TBC1D12: variants seen among roughly 807,000 people sequenced by gnomAD.
TBC1D12 encodes TBC1 domain family member 12.
A neutral mutation model predicts 86.7 loss-of-function variants in TBC1D12; 56 were observed. The ratio of observed to expected loss-of-function variants is 0.65; its 90% CI spans 0.52 to 0.81. The LOEUF (loss-of-function observed/expected upper bound fraction) is 0.81. Among genes scored for constraint, TBC1D12 ranks in the 30% least tolerant of loss-of-function variants. TBC1D12 has a pLI of 0.00. For synonymous variants in TBC1D12, 421 were observed against 411.7 expected (o/e 1.02, Z -0.27); for missense variants, 1,023 against 1,038.8 (o/e 0.98, Z 0.21).
intron 3 of TBC1D12, among the ~76,000 whole-genome samples, chr10:94,492,818 C>T (rs1210476675): frequency 6.6e-6 from 1 of 152,094 alleles, no homozygotes; most frequent in Admixed American, 6.5e-5. Flanking sequence ...TAGTTAGCTG[C>T]ACAGGTATAT....
intron 2 of TBC1D12, among the ~76,000 whole-genome samples, chr10:94,469,805 T>C (rs2055877488): frequency 6.6e-6 from 1 of 152,208 alleles, no homozygotes; most frequent in African/African-American, 2.4e-5. Context: ...CCCAAAATTC[T>C]AGCCCTTTGG....
chr10:94,506,735 A>G (rs1025527783), intron 6 of TBC1D12, among the ~76,000 whole-genome samples: 5 of 152,254 alleles, frequency 3.3e-5, no homozygotes, highest in Admixed American at 3.3e-4. Flanking sequence ...TAGCAATATC[A>G]TAATGGAGAA....
intron 2 of TBC1D12, among the ~76,000 whole-genome samples, chr10:94,460,150 T>G (rs2055702928): frequency 6.6e-6 from 1 of 152,188 alleles, no homozygotes; most frequent in South Asian, 2.1e-4. Context: ...GAGAATCGCT[T>G]GAACCTGGGA....
intron 1 of TBC1D12, among the ~76,000 whole-genome samples, chr10:94,428,195 C>T (rs2134070986): frequency 6.6e-6 from 1 of 151,084 alleles, no homozygotes; most frequent in Non-Finnish European, 1.5e-5. Context: ...TCTGTGGGGT[C>T]ATCAGTCTGT....
chr10:94,444,567 A>G (rs1157071572), intron 2 of TBC1D12, among the ~76,000 whole-genome samples: 1 of 152,184 alleles, frequency 6.6e-6, no homozygotes, highest in Non-Finnish European at 1.5e-5. Flanking sequence ...GGTAGTTTAA[A>G]TATGCATGCA....
Position 94,408,001 on chromosome 10 carries a change from C to G in TBC1D12, c.971+4417C>G, listed in dbSNP as rs75812245. Among the ~76,000 whole-genome samples the G allele has an allele frequency of 2.6e-3, 391 of 152,258 alleles. 10 individuals are homozygous for G. The East Asian group carries it at 0.06, about 23-fold the overall frequency. On this transcript the variant is annotated intron_variant, in intron 1 of 12. Coordinates refer to ENST00000225235, the MANE Select transcript of TBC1D12 (RefSeq NM_015188.2). ...TTCTAAACCGTTTTTGTGGGTTCTT[C>G]AAGTAAATTCATGTCTTGTTTTCTA... is the stretch of plus-strand genomic sequence containing the variant.
intron 11 of TBC1D12, among the ~76,000 whole-genome samples, chr10:94,524,331 G>C (rs1325041405): frequency 6.6e-6 from 1 of 152,190 alleles, no homozygotes; most frequent in East Asian, 1.9e-4. Flanking sequence ...AACTGCAAGT[G>C]AAGATGCAAA....
intron 3 of TBC1D12, among the ~76,000 whole-genome samples, chr10:94,492,848 A>G (rs2056264453): frequency 6.6e-6 from 1 of 152,246 alleles, no homozygotes; most frequent in Non-Finnish European, 1.5e-5. Context: ...AAGACTCATC[A>G]AACTATTCTT....
intron 1 of TBC1D12, among the ~76,000 whole-genome samples, chr10:94,435,429 C>G (rs1218689776): frequency 2.6e-5 from 4 of 152,322 alleles, no homozygotes; most frequent in East Asian, 3.9e-4. Context: ...AAATGTTACT[C>G]TGTTTTTAGT....
chr10:94,500,163 A>G (rs899608241), intron 5 of TBC1D12, 58 bp from the exon 6 acceptor site: 6 of 1,463,404 alleles, frequency 4.1e-6, no homozygotes, highest in Non-Finnish European at 5.7e-6. Context: ...CCATCATGCA[A>G]CTAGTATTTT....
intron 12 of TBC1D12, among the ~76,000 whole-genome samples, chr10:94,532,208 C>G (rs1374757979): frequency 1.4e-5 from 2 of 138,800 alleles, no homozygotes; most frequent in Non-Finnish European, 3.1e-5. Flanking sequence ...GACGGAGTCT[C>G]ACTCTGTCGC....
At chr10:94,460,035 A>G (rs1175476300) in intron 2 of TBC1D12, among the ~76,000 whole-genome samples, 1 of 152,092 alleles carries the variant, frequency 6.6e-6, no homozygotes, top group African/African-American at 2.4e-5. Flanking sequence ...AAGGGCTGCC[A>G]GCACGTTGTC....
rs557723675 is a variant in TBC1D12 at position 94,433,266 on chromosome 10, G to A, written c.972-8630G>A. On this transcript the variant is annotated intron_variant, in intron 1 of 12. Transcript: ENST00000225235. ...CCCGAGGAGCTGGGATTACAGGTGC[G>A]TGCCACCACACCAGGCTAATTTTTG... 2.1e-3 allele frequency among the ~76,000 whole-genome samples: 312 copies of A among 152,136 alleles called. 1 individual carries two copies. The highest frequency in any genetic ancestry group is 4.1e-3 in the Admixed American group (63 of 15,304).
intron 6 of TBC1D12, 64 bp downstream of exon 6, chr10:94,500,391 G>A: frequency 1.5e-6 from 2 of 1,340,996 alleles, no homozygotes; most frequent in South Asian, 1.4e-5. Context: ...TTACATAGCA[G>A]ATTAGTAGAG....
chr10:94,457,545 GC>G (rs1267250984), intron 2 of TBC1D12, among the ~76,000 whole-genome samples: 1 of 152,172 alleles, frequency 6.6e-6, no homozygotes, highest in African/African-American at 2.4e-5. Context: ...CTCCAAAAGT[GC>G]TGGGATTACA....
intron 9 of TBC1D12, among the ~76,000 whole-genome samples, chr10:94,520,487 G>A (rs888312460): frequency 1.6e-4 from 25 of 151,998 alleles, no homozygotes; most frequent in Non-Finnish European, 3.4e-4. Context: ...GGAGGCGGAG[G>A]TTGCAGTGAG....
At chr10:94,511,739 C>T (rs2056531191) in intron 9 of TBC1D12, 85 bp downstream of exon 9, 4 of 908,544 alleles carry the variant, frequency 4.4e-6, no homozygotes, top group Middle Eastern at 5.0e-4. Context: ...TATTAGCTCC[C>T]AAATGTCTGT....
At chr10:94,494,515 A>G (rs1422961604) in intron 4 of TBC1D12, among the ~76,000 whole-genome samples, 1 of 152,188 alleles carries the variant, frequency 6.6e-6, no homozygotes. Context: ...TATTTCTGAC[A>G]TATCCAATTA....
intron 8 of TBC1D12, 42 bp from the exon 9 acceptor site, chr10:94,511,539 GAA>G (rs1564985205): frequency 8.2e-7 from 1 of 1,221,306 alleles, no homozygotes; most frequent in Non-Finnish European, 1.2e-6. Flanking sequence ...TTAACTTAGA[GAA>G]AATTATTTGT....
Sources: allele counts gnomAD v4.1 joint callset (sites outside exome capture counted in the v4.1 genomes callset), GRCh38; gene constraint gnomAD v4.1.1; transcripts MANE v1.5; gene names NCBI Gene and HGNC (gene_info 2026-07-23, HGNC 2026-07-21).